Variants in RAP2A observed in about 807,000 individuals in gnomAD.
RAP2A encodes RAP2A, member of RAS oncogene family.
RAP2A carries 5 observed loss-of-function variants against 15.1 expected under a neutral mutation model. That is an observed-to-expected ratio of 0.33 (90% CI 0.17 to 0.70). RAP2A has a LOEUF of 0.70. Ranked by LOEUF, RAP2A falls within the 30% of genes least tolerant of loss-of-function variation. The pLI is 0.68. For missense variants in RAP2A, 111 were observed against 240.3 expected (o/e 0.46, Z 3.56); for synonymous variants, 110 against 99.7 (o/e 1.10, Z -0.62).
chr13:97,437,111 A>AT (rs1348265335), intron 1 of RAP2A, among the ~76,000 whole-genome samples: 1 of 152,190 alleles, frequency 6.6e-6, no homozygotes, highest in Non-Finnish European at 1.5e-5. Flanking sequence ...CTAGTAGCTG[A>AT]TTTTTTAAAA....
rs765750584 is a variant in RAP2A, at chr13:97,434,711, G to A, written c.241G>A (p.Val81Ile). The change falls in exon 1 of 2, where the codon GTC becomes ATC. Residue 81 changes from valine (V) to isoleucine (I), a missense_variant. Val to Ile is a conservative substitution (Grantham distance 29). Coordinates refer to ENST00000245304, the MANE Select transcript of RAP2A (RefSeq NM_021033.7). ...CAAGAACGGCCAGGGCTTCATCCTC[G>A]TCTACAGCCTCGTCAACCAGCAGAG... The part of the protein sequence containing the change: ...YIKNGQGFIL[V>I]YSLVNQQSFQ... 9.9e-6 allele frequency: 16 copies of A among 1,614,048 alleles called. No homozygotes were observed. The East Asian group carries it at 3.3e-4, about 34-fold the overall frequency.
rs971394113 is a variant in RAP2A at position 97,462,091 on chromosome 13, AAC to A, written c.315-2112_315-2111del. The stretch of plus-strand genomic sequence containing the variant: ...TTATATATTATATATATTGTATTTA[AAC>A]ATTCTTTAAAATATTTATCATTTAT... On this transcript the variant is annotated intron_variant, in intron 1 of 1. Transcript: ENST00000245304. Among the ~76,000 whole-genome samples the A allele has an allele frequency of 4.1e-5, 6 of 145,722 alleles. No individual in the cohort carries two copies. In the Admixed American group the frequency reaches 4.1e-4, roughly 10 times the overall value.
Position 97,434,313 on chromosome 13 carries a change from CCGCCGCCGCCGGCGCCCAGGG to C in RAP2A, c.-157_-137del. 2.6e-6 allele frequency: 1 copy of C among 379,314 alleles called. No homozygotes were observed. The highest frequency in any genetic ancestry group is 3.6e-6 in the Non-Finnish European group (1 of 280,034). The allele number at this position is 379,314 out of a possible 1,614,324, so 23.5% of individuals were successfully genotyped here. A position where few individuals can be genotyped will look rare whatever the true frequency, so the allele number is the denominator to read the frequency against. On this transcript the variant is annotated 5_prime_UTR_variant, in exon 1 of 2. Coordinates refer to ENST00000245304, the MANE Select transcript of RAP2A (RefSeq NM_021033.7). ...AGGGCCGCTGCTCCCTCAGTTGCCG[CCGCCGCCGCCGGCGCCCAGGG>C]GGCCGCCGCGGCTGTGAGGTGGGGG...
At chr13:97,460,237 T>C (rs1019132325) in intron 1 of RAP2A, among the ~76,000 whole-genome samples, 1 of 152,214 alleles carries the variant, frequency 6.6e-6, no homozygotes, top group Non-Finnish European at 1.5e-5. Flanking sequence ...TTACTCCTGA[T>C]GCACACTTTC....
rs756869866 is a variant in RAP2A, at chr13:97,434,446, C to T, written c.-25C>T. 17 of 1,559,066 alleles carry T rather than the reference C, an allele frequency of 1.1e-5. No homozygotes were observed. Among genetic ancestry groups the T allele is most frequent in the East Asian group, 2.3e-5 (1 of 43,738 alleles). On this transcript the variant is annotated 5_prime_UTR_variant, in exon 1 of 2. Transcript: ENST00000245304. Reference sequence around the variant, plus strand: ...CGTAGGTCTATGTCGCGGGCGGCGGCGGCGGCGGCGGCCGCGGAGGGACGA... The same window carrying T: ...CGTAGGTCTATGTCGCGGGCGGCGGTGGCGGCGGCGGCCGCGGAGGGACGA...
At chr13:97,459,626 C>G (rs1291190923) in intron 1 of RAP2A, among the ~76,000 whole-genome samples, 1 of 152,208 alleles carries the variant, frequency 6.6e-6, no homozygotes, top group Non-Finnish European at 1.5e-5. Context: ...TGCTCTTCCC[C>G]TAGAACCTGC....
intron 1 of RAP2A, among the ~76,000 whole-genome samples, chr13:97,435,076 G>A (rs1044941195): frequency 6.6e-6 from 1 of 152,216 alleles, no homozygotes; most frequent in Non-Finnish European, 1.5e-5. Context: ...TTGCAGGGGG[G>A]AAAGGGGTGG....
In RAP2A at chr13:97,450,488, C is replaced by T. The variant is rs1014366786; in HGVS notation, c.315-13717C>T. On this transcript the variant is annotated intron_variant, in intron 1 of 1. Transcript: ENST00000245304. ...TGTGTTCTCCATATATGTGCCCGAG[C>T]TTCAGTTTTCCTTACTATTTAAATT... Among the ~76,000 whole-genome samples, 9 of 152,000 alleles carry T rather than the reference C, an allele frequency of 5.9e-5. No individual in the cohort carries two copies. In the East Asian group the frequency reaches 1.5e-3, roughly 26 times the overall value.
intron 1 of RAP2A, among the ~76,000 whole-genome samples, chr13:97,462,173 ATTTGT>A (rs1163859461): frequency 2.0e-5 from 3 of 151,088 alleles, no homozygotes; most frequent in South Asian, 4.2e-4. Context: ...ACAGACTGAA[ATTTGT>A]TTTAACTTAA....
At chr13:97,443,809 G>A (rs369145707) in intron 1 of RAP2A, among the ~76,000 whole-genome samples, 2 of 152,138 alleles carry the variant, frequency 1.3e-5, no homozygotes, top group East Asian at 1.9e-4. Flanking sequence ...GACAGCGAAT[G>A]TTAATCTCAT....
intron 1 of RAP2A, among the ~76,000 whole-genome samples, chr13:97,452,738 T>C (rs946685944): frequency 1.3e-5 from 2 of 151,214 alleles, no homozygotes; most frequent in Non-Finnish European, 3.0e-5. Context: ...GTAGAGAAAT[T>C]ATGTGTTAAT....
intron 1 of RAP2A, among the ~76,000 whole-genome samples, chr13:97,454,987 TTTTG>T (rs1450362526): frequency 6.6e-6 from 1 of 151,088 alleles, no homozygotes; most frequent in Non-Finnish European, 1.5e-5. Context: ...TTTTCAGTCC[TTTTG>T]TTTGTTCTAT....
chr13:97,454,252 T>A (rs1159663329), intron 1 of RAP2A, among the ~76,000 whole-genome samples: 1 of 151,290 alleles, frequency 6.6e-6, no homozygotes, highest in Non-Finnish European at 1.5e-5. Context: ...GATGTAGGTC[T>A]TTTTAAAAAA....
rs2066761219 is a variant in RAP2A at position 97,464,435 on chromosome 13, T to C, written c.545T>C (p.Ile182Thr). ...KDDPCCSACN[I>T]Q The stretch of plus-strand genomic sequence containing the variant: ...GACCCATGCTGTTCTGCATGTAACA[T>C]ACAATAGCATCCAAATATGGCTGTC... Residue 182 changes from isoleucine to threonine, a missense_variant, in exon 2 of 2, where the codon ATA becomes ACA. Coordinates refer to ENST00000245304, the MANE Select transcript of RAP2A (RefSeq NM_021033.7). The C allele has an allele frequency of 4.3e-6, 7 of 1,613,814 alleles. No homozygotes were observed. The highest frequency in any genetic ancestry group is 5.1e-6 in the Non-Finnish European group (6 of 1,179,654).
chr13:97,467,164 C>T lies in RAP2A; in HGVS notation c.*2722C>T, dbSNP rs546572388. The T allele has an allele frequency of 6.6e-6, 1 of 152,648 alleles. No homozygotes were observed. Among genetic ancestry groups the T allele is most frequent in the Non-Finnish European group, 1.5e-5 (1 of 68,014 alleles). The allele number at this position is 152,648 out of a possible 1,614,324, so 9.5% of individuals were successfully genotyped here. ...AGATTTTCTTTTTTTTACTTTTATA[C>T]AAAGGCAGCATCTTTGAATTTTTTT... On this transcript the variant is annotated 3_prime_UTR_variant, in exon 2 of 2. Transcript: ENST00000245304.
At chr13:97,443,783 TC>T (rs762195142) in intron 1 of RAP2A, among the ~76,000 whole-genome samples, 1 of 152,248 alleles carries the variant, frequency 6.6e-6, no homozygotes, top group Non-Finnish European at 1.5e-5. Flanking sequence ...TATATACTTA[TC>T]TTCTCATCCA....
intron 1 of RAP2A, among the ~76,000 whole-genome samples, chr13:97,442,248 T>G (rs2066661085): frequency 6.6e-6 from 1 of 152,178 alleles, no homozygotes; most frequent in Non-Finnish European, 1.5e-5. Flanking sequence ...GCTAAGATTT[T>G]GTCATGGTAT....
chr13:97,461,410 A>G (rs984574906), intron 1 of RAP2A, among the ~76,000 whole-genome samples: 2 of 152,202 alleles, frequency 1.3e-5, no homozygotes, highest in Non-Finnish European at 2.9e-5. Context: ...AGTTAGTGAT[A>G]TAATAAACAG....
chr13:97,437,760 G>A (rs1211019075), intron 1 of RAP2A: 2 of 152,152 alleles, frequency 1.3e-5, no homozygotes, highest in African/African-American at 2.4e-5. Context: ...ATGGAAAAGG[G>A]CATGAGAATG....
Sources: allele counts gnomAD v4.1 joint callset (sites outside exome capture counted in the v4.1 genomes callset), GRCh38; gene constraint gnomAD v4.1.1; transcripts MANE v1.5; gene names NCBI Gene and HGNC (gene_info 2026-07-23, HGNC 2026-07-21).